Variants in DDHD1 observed in about 807,000 individuals in gnomAD.
DDHD1 encodes the protein phospholipase DDHD1.
A neutral mutation model predicts 96.4 loss-of-function variants in DDHD1; 49 were observed. The observed-to-expected ratio is 0.51, with a 90% CI of 0.40 to 0.64. The LOEUF (loss-of-function observed/expected upper bound fraction) is 0.64, where lower values mean the gene tolerates loss of function less well. Among genes scored for constraint, DDHD1 ranks in the 30% least tolerant of loss-of-function variants. DDHD1 has a pLI of 0.00. For missense variants in DDHD1, 1,106 were observed against 1,161.2 expected (o/e 0.95, Z 0.69); for synonymous variants, 442 against 446.5 (o/e 0.99, Z 0.13).
rs1881456192 is a variant in DDHD1, at chr14:53,038,945, CGTT to C, written c.*7820_*7822del. On this transcript the variant is annotated 3_prime_UTR_variant, in exon 13 of 13. Coordinates refer to ENST00000673822, the MANE Select transcript of DDHD1 (RefSeq NM_001160148.2). ...CAAGCAAGCAATGGGGAAAGGAACA[CGTT>C]GTTAATGGGGGCTCACAAGCAGTAA... is the stretch of plus-strand genomic sequence containing the variant. The C allele has an allele frequency of 6.6e-6, 1 of 152,128 alleles. No homozygotes were observed. 9.4% of individuals were successfully genotyped at this position (152,128 alleles called of 1,614,324 possible). A position where few individuals can be genotyped will look rare whatever the true frequency, so the allele number is the denominator to read the frequency against.
intron 10 of DDHD1, 144 bp downstream of exon 10, chr14:53,055,516 T>C: frequency 1.3e-6 from 1 of 791,222 alleles, no homozygotes; most frequent in South Asian, 1.8e-5. Flanking sequence ...GGGCCTCAAA[T>C]ATGAACATTG....
intron 1 of DDHD1, among the ~76,000 whole-genome samples, chr14:53,118,310 G>A (rs893547916): frequency 3.9e-5 from 6 of 152,188 alleles, no homozygotes; most frequent in South Asian, 2.1e-4. Context: ...GATGGAGAAC[G>A]AGTTTGATGA....
At chr14:53,139,089 AACCACACCCACAC>A (rs373048038) in intron 1 of DDHD1, among the ~76,000 whole-genome samples, 1,824 of 91,724 alleles carry the variant, frequency 0.02, 22 homozygotes, top group Middle Eastern at 0.045. Context: ...AAAAAAAAAA[AACCACACCCACAC>A]CCACACCCAC....
chr14:53,072,599 C>A lies in DDHD1; in HGVS notation c.1501G>T (p.Glu501Ter). The A allele has an allele frequency of 6.6e-7, 1 of 1,509,580 alleles. No individual in the cohort carries two copies. Among genetic ancestry groups the A allele is most frequent in the Non-Finnish European group, 9.0e-7 (1 of 1,113,250 alleles). The allele number at this position is 1,509,580 out of a possible 1,614,324, so 93.5% of individuals were successfully genotyped here. Residue 501 changes from glutamate (E) to a stop codon, truncating the protein, a stop_gained and splice_region_variant, in exon 6 of 13, where the codon GAA (glutamate) becomes TAA (stop). Transcript: ENST00000673822. LOFTEE classifies it high-confidence loss of function. ...AGCAAGATAATCATGACACTTACTT[C>A]ATCTCTATAAAGTGGACTAGTATAA... is the stretch of plus-strand genomic sequence containing the variant. Reference protein sequence around the residue: ...MYYTSPLYRDELVKGLQQELN... With the variant: ...MYYTSPLYRD
intron 4 of DDHD1, among the ~76,000 whole-genome samples, chr14:53,083,726 G>C (rs1047017517): frequency 6.6e-6 from 1 of 152,166 alleles, no homozygotes; most frequent in African/African-American, 2.4e-5. Context: ...ACTGAACTTA[G>C]GAATGACAGC....
chr14:53,142,674 T>C (rs1034437944), intron 1 of DDHD1, among the ~76,000 whole-genome samples: 1 of 152,198 alleles, frequency 6.6e-6, no homozygotes, highest in African/African-American at 2.4e-5. Flanking sequence ...TAGAATGCTT[T>C]TATGGGAAAA....
chr14:53,099,431 C>T (rs1304169841), intron 2 of DDHD1, among the ~76,000 whole-genome samples: 6 of 152,104 alleles, frequency 3.9e-5, no homozygotes, highest in Non-Finnish European at 7.4e-5. Flanking sequence ...TGACAAATTC[C>T]TCAATATTTA....
intron 1 of DDHD1, among the ~76,000 whole-genome samples, chr14:53,110,868 C>CA (rs1888047940): frequency 6.6e-6 from 1 of 152,122 alleles, no homozygotes; most frequent in African/African-American, 2.4e-5. Context: ...CCCAGCTACT[C>CA]AGGAGGCTGA....
At chr14:53,124,092 G>A (rs1259659059) in intron 1 of DDHD1, among the ~76,000 whole-genome samples, 10 of 151,792 alleles carry the variant, frequency 6.6e-5, no homozygotes, top group Admixed American at 2.0e-4. Flanking sequence ...AAAATTAGCC[G>A]GGCATGGTGG....
intron 4 of DDHD1, among the ~76,000 whole-genome samples, chr14:53,084,496 T>G (rs1373081870): frequency 6.6e-6 from 1 of 152,176 alleles, no homozygotes; most frequent in East Asian, 1.9e-4. Flanking sequence ...CATATAAATA[T>G]AAACATCACG....
At chr14:53,069,360 C>T (rs1884319677) in intron 6 of DDHD1, among the ~76,000 whole-genome samples, 1 of 152,212 alleles carries the variant, frequency 6.6e-6, no homozygotes, top group Non-Finnish European at 1.5e-5. Flanking sequence ...TTTTATGGCA[C>T]TTTGTAGACA....
rs1315007553 is a variant in DDHD1 at position 53,058,556 on chromosome 14, T to C, written c.1913A>G (p.Asn638Ser). 1.2e-6 allele frequency: 2 copies of C among 1,613,794 alleles called. No individual in the cohort carries two copies. The highest frequency in any genetic ancestry group is 1.7e-6 in the Non-Finnish European group (2 of 1,179,870). Residue 638 changes from asparagine to serine, a missense_variant, in exon 9 of 13, where the codon AAT becomes AGT. By Grantham distance (46) the Asn-to-Ser change is conservative (BLOSUM62 1). Coordinates refer to ENST00000673822, the MANE Select transcript of DDHD1 (RefSeq NM_001160148.2). ...CAAAATATGGTCTTGACTTCCAGTA[T>C]TTCCTGGGCGGATGCCACGCAACGC... The part of the protein sequence containing the change: ...FLALRGIRPG[N>S]TGSQDHILPR...
At chr14:53,086,732 A>C (rs1885994441) in intron 4 of DDHD1, among the ~76,000 whole-genome samples, 1 of 152,164 alleles carries the variant, frequency 6.6e-6, no homozygotes, top group Non-Finnish European at 1.5e-5. Flanking sequence ...GCTGGGAAGA[A>C]ACTGCAGCAA....
intron 2 of DDHD1, among the ~76,000 whole-genome samples, chr14:53,096,835 A>G (rs183091303): frequency 4.5e-4 from 68 of 152,162 alleles, no homozygotes; most frequent in African/African-American, 1.6e-3. Flanking sequence ...TCTGCTTTTA[A>G]CTTTGCTTTT....
intron 1 of DDHD1, among the ~76,000 whole-genome samples, chr14:53,144,427 T>C (rs1890841923): frequency 6.6e-6 from 1 of 152,236 alleles, no homozygotes. Context: ...TGGAAGAATA[T>C]GAGTCACTGA....
intron 1 of DDHD1, among the ~76,000 whole-genome samples, chr14:53,107,275 G>A (rs906329352): frequency 6.6e-6 from 1 of 152,088 alleles, no homozygotes; most frequent in African/African-American, 2.4e-5. Context: ...CACCACTCTT[G>A]CGCTTTGGAG....
At chr14:53,061,730 T>C (rs1250725867) in intron 7 of DDHD1, among the ~76,000 whole-genome samples, 2 of 152,164 alleles carry the variant, frequency 1.3e-5, no homozygotes, top group Admixed American at 6.5e-5. Flanking sequence ...ATTATCATTA[T>C]TATTTTTTAA....
intron 9 of DDHD1, 50 bp downstream of exon 9, chr14:53,058,427 T>G: frequency 1.3e-6 from 2 of 1,560,834 alleles, no homozygotes; most frequent in Non-Finnish European, 1.7e-6. Flanking sequence ...TAGATTCTTT[T>G]TAGGAACAAT....
intron 1 of DDHD1, among the ~76,000 whole-genome samples, chr14:53,124,780 A>G (rs1889305517): frequency 6.6e-6 from 1 of 152,226 alleles, no homozygotes; most frequent in Non-Finnish European, 1.5e-5. Flanking sequence ...TCTCTGTATT[A>G]GTTAGCTAGG....
Sources: allele counts gnomAD v4.1 joint callset (sites outside exome capture counted in the v4.1 genomes callset), GRCh38; gene constraint gnomAD v4.1.1; transcripts MANE v1.5; gene names NCBI Gene and HGNC (gene_info 2026-07-23, HGNC 2026-07-21).